Variants in ANKS1B observed in about 807,000 individuals in gnomAD.
ANKS1B encodes the protein ankyrin repeat and sterile alpha motif domain-containing protein 1B.
ANKS1B carries 36 observed loss-of-function variants against 148.3 expected under a neutral mutation model. The observed-to-expected ratio is 0.24, with a 90% CI of 0.19 to 0.32. The LOEUF (loss-of-function observed/expected upper bound fraction) is 0.32. Ranked by LOEUF, ANKS1B falls within the 10% of genes least tolerant of loss-of-function variation. ANKS1B has a pLI of 1.00. For missense variants in ANKS1B, 1,157 were observed against 1,542.6 expected, an observed-to-expected ratio of 0.75 and a Z score of 4.19; for synonymous variants, 542 against 560.8, an observed-to-expected ratio of 0.97 and a Z score of 0.47.
Position 98,863,260 on chromosome 12 carries a change from C to T in ANKS1B, c.2779-31124G>A, listed in dbSNP as rs566619008. On this transcript the variant is annotated intron_variant, in intron 17 of 26. Coordinates refer to ENST00000683438, the MANE Select transcript of ANKS1B (RefSeq NM_001352186.2). ...TGACTAATAAAGAGGTTCTGGCCTC[C>T]GTCACCTGAGAAGAACAAAACAGTG... Among the ~76,000 whole-genome samples, 63 of 152,288 alleles carry T rather than the reference C, an allele frequency of 4.1e-4. No homozygotes were observed. The East Asian group carries it at 0.011, about 26-fold the overall frequency.
chr12:99,122,717 C>T (rs2063196360), intron 15 of ANKS1B, among the ~76,000 whole-genome samples: 1 of 152,140 alleles, frequency 6.6e-6, no homozygotes, highest in African/African-American at 2.4e-5. Context: ...TAACAACCAG[C>T]AGTCCTCTCA....
At chr12:99,243,980 G>A (rs1182172290) in intron 14 of ANKS1B, among the ~76,000 whole-genome samples, 1 of 151,548 alleles carries the variant, frequency 6.6e-6, no homozygotes, top group Non-Finnish European at 1.5e-5. Context: ...TAACAAACCT[G>A]CACATTGTGC....
At chr12:98,895,296 A>T in intron 17 of ANKS1B, 1 of 985,086 alleles carries the variant, frequency 1.0e-6, no homozygotes, top group South Asian at 4.7e-5. Flanking sequence ...TACTATGGAT[A>T]TCTCGCTCCT....
chr12:99,832,986 T>C (rs2084275944), intron 1 of ANKS1B, among the ~76,000 whole-genome samples: 2 of 152,236 alleles, frequency 1.3e-5, no homozygotes, highest in Admixed American at 1.3e-4. Context: ...CCAAATGCTT[T>C]ATATGCATTA....
chr12:99,524,873 C>A (rs1384484923), intron 9 of ANKS1B, among the ~76,000 whole-genome samples: 2 of 152,170 alleles, frequency 1.3e-5, no homozygotes, highest in East Asian at 3.9e-4. Flanking sequence ...ATCCCTCCCA[C>A]AGCATAGGAA....
chr12:99,661,391 T>C (rs955904218), intron 8 of ANKS1B, among the ~76,000 whole-genome samples: 2 of 152,192 alleles, frequency 1.3e-5, no homozygotes, highest in Admixed American at 6.5e-5. Context: ...TGGAAAACTT[T>C]GTAATTTTGA....
intron 17 of ANKS1B, among the ~76,000 whole-genome samples, chr12:98,872,732 T>G (rs2152406918): frequency 6.6e-6 from 1 of 152,188 alleles, no homozygotes; most frequent in Non-Finnish European, 1.5e-5. Context: ...GCTGATACCT[T>G]GATCAGCTGA....
At chr12:99,515,108 G>A (rs1019201487) in intron 9 of ANKS1B, among the ~76,000 whole-genome samples, 1 of 151,902 alleles carries the variant, frequency 6.6e-6, no homozygotes, top group South Asian at 2.1e-4. Context: ...CAAGCAATAT[G>A]TAATAATTAC....
chr12:99,289,008 A>G (rs150643053), intron 12 of ANKS1B, among the ~76,000 whole-genome samples: 292 of 152,090 alleles, frequency 1.9e-3, no homozygotes, highest in African/African-American at 6.3e-3. Context: ...TACAAGAAAA[A>G]CATTTCACCT....
intron 9 of ANKS1B, chr12:99,649,606 A>G: frequency 1.9e-6 from 1 of 528,382 alleles, no homozygotes; most frequent in South Asian, 2.3e-5. Context: ...TCAGAGGTCC[A>G]GGAGGAAGTA....
chr12:98,955,237 G>A (rs2099860295), intron 17 of ANKS1B, among the ~76,000 whole-genome samples: 1 of 152,172 alleles, frequency 6.6e-6, no homozygotes, highest in Admixed American at 6.5e-5. Flanking sequence ...TAAAAAGCCA[G>A]AGAAGACCAC....
At position 99,647,294 on chromosome 12, in the gene ANKS1B, G is replaced by A. The variant is rs371040235; in HGVS notation, c.1272+7773C>T. 8.3e-4 allele frequency among the ~76,000 whole-genome samples: 127 copies of A among 152,172 alleles called. 1 individual carries two copies. Among genetic ancestry groups the A allele is most frequent in the East Asian group, 5.8e-3 (30 of 5,174 alleles). On this transcript the variant is annotated intron_variant, in intron 9 of 26. Coordinates refer to ENST00000683438, the MANE Select transcript of ANKS1B (RefSeq NM_001352186.2). ...CATTTTTAGGGCTGCAGACTGTCCC[G>A]TCACAGAAGCTCCATAATTTATTTA... is the stretch of plus-strand genomic sequence containing the variant.
intron 9 of ANKS1B, chr12:99,648,575 TA>T (rs762930877): frequency 2.5e-6 from 4 of 1,614,004 alleles, no homozygotes; most frequent in East Asian, 2.2e-5. Context: ...CACAACAGCG[TA>T]AAAAAACAGC....
At chr12:99,552,626 T>A (rs1036722512) in intron 9 of ANKS1B, among the ~76,000 whole-genome samples, 4 of 152,186 alleles carry the variant, frequency 2.6e-5, no homozygotes, top group Admixed American at 2.0e-4. Context: ...GGGAATTAAA[T>A]TATAAAACAA....
At chr12:99,664,253 A>G (rs2098494164) in intron 8 of ANKS1B, among the ~76,000 whole-genome samples, 1 of 152,022 alleles carries the variant, frequency 6.6e-6, no homozygotes, top group Non-Finnish European at 1.5e-5. Flanking sequence ...AACAAATAAC[A>G]TTTTTCTAAA....
At chr12:99,263,620 G>A (rs1293530470) in intron 12 of ANKS1B, among the ~76,000 whole-genome samples, 1 of 151,984 alleles carries the variant, frequency 6.6e-6, no homozygotes, top group East Asian at 1.9e-4. Context: ...ATCTTATCTC[G>A]AATTGTAATC....
intron 9 of ANKS1B, among the ~76,000 whole-genome samples, chr12:99,579,271 T>C (rs1041857695): frequency 5.3e-5 from 8 of 152,180 alleles, no homozygotes; most frequent in African/African-American, 1.9e-4. Flanking sequence ...GGACGTATCA[T>C]TTTGGACATA....
At chr12:99,808,722 C>T (rs1024687994) in intron 3 of ANKS1B, among the ~76,000 whole-genome samples, 3 of 152,010 alleles carry the variant, frequency 2.0e-5, no homozygotes, top group Admixed American at 6.6e-5. Context: ...CCCAAATTTC[C>T]CCCTGGTCTG....
rs1163163353 is a variant in ANKS1B at position 99,033,581 on chromosome 12, T to C, written c.2778+19576A>G. Among the ~76,000 whole-genome samples the C allele has an allele frequency of 1.1e-4, 17 of 152,142 alleles. No individual in the cohort carries two copies. In the South Asian group the frequency reaches 3.3e-3, roughly 30 times the overall value. On this transcript the variant is annotated intron_variant, in intron 17 of 26. Coordinates refer to ENST00000683438, the MANE Select transcript of ANKS1B (RefSeq NM_001352186.2). ...CAGGAGGCTGAGGCAGGAGAATCAC[T>C]TGAACCCAGGAGGCAGAGGTTGCAG...
Sources: gnomAD v4.1 joint callset for allele counts (sites outside exome capture counted in the v4.1 genomes callset) on GRCh38, gnomAD v4.1.1 for gene constraint, MANE v1.5 for transcripts, NCBI Gene and HGNC (gene_info 2026-07-23, HGNC 2026-07-21) for gene names.